RYR3: variants seen among roughly 807,000 people sequenced by gnomAD.
The protein encoded by RYR3 is brain ryanodine receptor-calcium release channel.
In RYR3, 207 loss-of-function variants were observed where a neutral mutation model predicts 584.3. The observed-to-expected ratio is 0.35, with a 90% CI of 0.32 to 0.40. RYR3 has a LOEUF of 0.40. Ranked by LOEUF, RYR3 falls within the 10% of genes least tolerant of loss-of-function variation. The pLI is 1.00. For missense variants in RYR3, 5,616 were observed against 6,089.2 expected (o/e 0.92, Z 2.59); for synonymous variants, 2,416 against 2,248.5 (o/e 1.07, Z -2.11).
At chr15:33,699,885 C>G (rs371362672) in intron 41 of RYR3, 52 bp downstream of exon 41, 149 of 1,579,844 alleles carry the variant, frequency 9.4e-5, no homozygotes, top group Middle Eastern at 5.1e-4. Flanking sequence ...GTTACACTCC[C>G]CCTTTTGACC....
intron 1 of RYR3, among the ~76,000 whole-genome samples, chr15:33,422,564 A>C (rs2044314254): frequency 6.6e-6 from 1 of 152,098 alleles, no homozygotes; most frequent in Non-Finnish European, 1.5e-5. Context: ...TTGATCATGG[A>C]TTCATTAGGC....
intron 42 of RYR3, among the ~76,000 whole-genome samples, chr15:33,702,420 G>A (rs2066373658): frequency 6.6e-6 from 1 of 152,190 alleles, no homozygotes; most frequent in Non-Finnish European, 1.5e-5. Context: ...TGATGCAGTG[G>A]GTGTGAGAAG....
intron 17 of RYR3, among the ~76,000 whole-genome samples, 185 bp downstream of exon 17, chr15:33,601,737 A>G (rs2059673763): frequency 6.6e-6 from 1 of 152,240 alleles, no homozygotes; most frequent in Admixed American, 6.5e-5. Flanking sequence ...CACCTTTAGC[A>G]GAATTCCTCA....
rs571400137 is a variant in RYR3, at chr15:33,808,810, C to G, written c.10026+1241C>G. ...ACCAGGAGGCTCCTTCTCTTAGCCC[C>G]ATTTCTTTCCCTCTGTTTATATTTC... On this transcript the variant is annotated intron_variant, in intron 70 of 103. Coordinates refer to ENST00000634891, the MANE Select transcript of RYR3 (RefSeq NM_001036.6). Among the ~76,000 whole-genome samples, 3 of 152,262 alleles carry G rather than the reference C, an allele frequency of 2.0e-5. No homozygotes were observed. The South Asian group carries it at 6.2e-4, about 32-fold the overall frequency.
chr15:33,687,123 A>C (rs1356169862), intron 38 of RYR3, among the ~76,000 whole-genome samples: 1 of 152,224 alleles, frequency 6.6e-6, no homozygotes, highest in African/African-American at 2.4e-5. Context: ...GAGGAAGTCA[A>C]ATTGTCCCTG....
Position 33,840,499 on chromosome 15 carries a change from A to G in RYR3, c.12979-326A>G, listed in dbSNP as rs141457667. Reference sequence around the variant, plus strand: ...AGGCAGGCTGATCAAACTTGGTTTGATCTGTGTCCCATGTCTTTCTGACCC... The same window carrying G: ...AGGCAGGCTGATCAAACTTGGTTTGGTCTGTGTCCCATGTCTTTCTGACCC... On this transcript the variant is annotated intron_variant, in intron 89 of 103. Coordinates refer to ENST00000634891, the MANE Select transcript of RYR3 (RefSeq NM_001036.6). 1.7e-3 allele frequency: 569 copies of G among 330,064 alleles called. 9 individuals carry two copies. The highest frequency in any genetic ancestry group is 0.012 in the African/African-American group (537 of 46,370). The allele number at this position is 330,064 out of a possible 1,614,324, so 20.4% of individuals were successfully genotyped here.
Position 33,830,950 on chromosome 15 carries a change from C to A in RYR3, c.11335-13C>A. 2 of 1,612,106 alleles carry A rather than the reference C, an allele frequency of 1.2e-6. No individual in the cohort carries two copies. Among genetic ancestry groups the A allele is most frequent in the South Asian group, 2.2e-5 (2 of 90,664 alleles). ...AGTCTGAGAAATACTAAGCTCTACTCATTTGTTTTTAGGAATCAATCAGTG... is the reference window on the plus strand; with the variant it reads ...AGTCTGAGAAATACTAAGCTCTACTAATTTGTTTTTAGGAATCAATCAGTG... On this transcript the variant is annotated splice_polypyrimidine_tract_variant and intron_variant, in intron 85 of 103. Coordinates refer to ENST00000634891, the MANE Select transcript of RYR3 (RefSeq NM_001036.6).
At chr15:33,687,549 A>T (rs1566952663) in intron 38 of RYR3, among the ~76,000 whole-genome samples, 1 of 152,214 alleles carries the variant, frequency 6.6e-6, no homozygotes, top group Non-Finnish European at 1.5e-5. Flanking sequence ...TCTTCACAGA[A>T]TTGGAAAAAA....
intron 75 of RYR3, among the ~76,000 whole-genome samples, chr15:33,817,762 G>A (rs955649227): frequency 2.0e-5 from 3 of 151,860 alleles, no homozygotes; most frequent in African/African-American, 4.8e-5. Flanking sequence ...AAGACACTCC[G>A]TTGGTTTTCT....
chr15:33,635,842 C>T (rs1239993580), intron 26 of RYR3, 23 bp downstream of exon 26: 1 of 1,584,032 alleles, frequency 6.3e-7, no homozygotes, highest in East Asian at 2.3e-5. Flanking sequence ...ATCTAGCAAA[C>T]ACCCATCCTC....
chr15:33,852,779 A>ATTCT (rs1460788974), intron 94 of RYR3: 2 of 379,098 alleles, frequency 5.3e-6, no homozygotes, highest in African/African-American at 4.3e-5. Flanking sequence ...TGTCATCACA[A>ATTCT]TTCTTGGCTC....
At chr15:33,460,423 C>A (rs538617548) in intron 1 of RYR3, among the ~76,000 whole-genome samples, 4 of 152,270 alleles carry the variant, frequency 2.6e-5, no homozygotes, top group African/African-American at 9.6e-5. Flanking sequence ...CACAAAAGAG[C>A]CTTGTGTAAA....
At chr15:33,831,682 C>T (rs1439429065) in intron 86 of RYR3, among the ~76,000 whole-genome samples, 1 of 152,144 alleles carries the variant, frequency 6.6e-6, no homozygotes, top group Non-Finnish European at 1.5e-5. Context: ...ATTTTCTATT[C>T]ATTGTCTATG....
At chr15:33,583,962 G>T (rs1037833131) in intron 14 of RYR3, among the ~76,000 whole-genome samples, 2 of 152,198 alleles carry the variant, frequency 1.3e-5, no homozygotes, top group Non-Finnish European at 2.9e-5. Flanking sequence ...TGAGGCAGGA[G>T]AATCACTTGA....
At position 33,770,902 on chromosome 15, in the gene RYR3, A is replaced by G. The variant is rs536357613; in HGVS notation, c.8817-1018A>G. On this transcript the variant is annotated intron_variant, in intron 62 of 103. Coordinates refer to ENST00000634891, the MANE Select transcript of RYR3 (RefSeq NM_001036.6). ...AACCAAGTCTTTCATAATCTTCTGA[A>G]TAAGATATAGAAATACAAAACTTAT... 1.6e-4 allele frequency among the ~76,000 whole-genome samples: 25 copies of G among 152,356 alleles called. No individual in the cohort carries two copies. The South Asian group carries it at 4.3e-3, about 26-fold the overall frequency.
intron 30 of RYR3, among the ~76,000 whole-genome samples, chr15:33,648,004 A>C (rs2062204107): frequency 6.6e-6 from 1 of 151,694 alleles, no homozygotes; most frequent in Admixed American, 6.6e-5. Context: ...AAAAAAAAAA[A>C]AAAAAGCCTG....
intron 3 of RYR3, among the ~76,000 whole-genome samples, chr15:33,503,965 C>G (rs2052235819): frequency 6.6e-6 from 1 of 152,226 alleles, no homozygotes; most frequent in South Asian, 2.1e-4. Context: ...ACCACTAATG[C>G]TGCATGAGCA....
intron 43 of RYR3, among the ~76,000 whole-genome samples, chr15:33,711,126 A>G (rs2067079427): frequency 6.6e-6 from 1 of 152,102 alleles, no homozygotes; most frequent in Non-Finnish European, 1.5e-5. Context: ...AAATTTTCCA[A>G]ACTTTTACAC....
At chr15:33,568,850 T>A (rs1397411964) in intron 12 of RYR3, among the ~76,000 whole-genome samples, 1 of 152,232 alleles carries the variant, frequency 6.6e-6, no homozygotes, top group Non-Finnish European at 1.5e-5. Context: ...TTATTCTAGT[T>A]GCCACCCACA....
Sources: gnomAD v4.1 joint callset for allele counts (sites outside exome capture counted in the v4.1 genomes callset) on GRCh38, gnomAD v4.1.1 for gene constraint, MANE v1.5 for transcripts, NCBI Gene and HGNC (gene_info 2026-07-23, HGNC 2026-07-21) for gene names.